POM121C: variants seen among roughly 807,000 people sequenced by gnomAD.
The protein encoded by POM121C is POM121 transmembrane nucleoporin C, also known as nuclear envelope pore membrane protein POM 121C.
POM121C carries 20 observed loss-of-function variants against 66.4 expected under a neutral mutation model. That is an observed-to-expected ratio of 0.30 (90% CI 0.21 to 0.44). The LOEUF (loss-of-function observed/expected upper bound fraction) is 0.44. POM121C is among the 20% of genes least tolerant of loss of function. POM121C has a pLI of 1.00. For synonymous variants in POM121C, 286 were observed against 528.0 expected, an observed-to-expected ratio of 0.54 and a Z score of 6.28; for missense variants, 580 against 1,225.7, an observed-to-expected ratio of 0.47 and a Z score of 7.87.
At chr7:75,442,690 T>C (rs376646711) in intron 3 of POM121C, 124,057 of 1,399,486 alleles carry the variant, frequency 0.089, 4,128 homozygotes, top group Non-Finnish European at 0.098. Context: ...GCCGCTCGCC[T>C]GCTCCAGCCG....
At chr7:75,440,923 A>T (rs1790619664) in intron 5 of POM121C, 31 bp downstream of exon 5, 5 of 1,613,780 alleles carry the variant, frequency 3.1e-6, no homozygotes, top group Non-Finnish European at 4.2e-6. Flanking sequence ...CCAAGCGGGA[A>T]ACTGGCTTAG....
In POM121C at chr7:75,433,234, CAAAAAAAA is replaced by C. The variant is rs782004307; in HGVS notation, c.480+4273_480+4280del. Among the ~76,000 whole-genome samples the C allele has an allele frequency of 6.6e-4, 29 of 44,256 alleles. 1 individual carries two copies. Among genetic ancestry groups the C allele is most frequent in the South Asian group, 3.9e-3 (3 of 766 alleles). The allele number at this position is 44,256 out of a possible 152,430, so 29.0% of individuals were successfully genotyped here. A position where few individuals can be genotyped will look rare whatever the true frequency, so the allele number is the denominator to read the frequency against. ...CCAGCGACAGTGTGAGACTCTGTCTCAAAAAAAAAAAAAAAAAAAAAAAAAAGAATGTA... is the reference window on the plus strand; with the variant it reads ...CCAGCGACAGTGTGAGACTCTGTCTCAAAAAAAAAAAAAAAAAAGAATGTA... On this transcript the variant is annotated intron_variant, in intron 7 of 14. Coordinates refer to ENST00000615331, the MANE Select transcript of POM121C (RefSeq NM_001099415.3).
Position 75,416,802 on chromosome 7 carries a change from T to A in POM121C, c.*1994A>T. The A allele has an allele frequency of 4.7e-6, 7 of 1,505,234 alleles. No homozygotes were observed. The highest frequency in any genetic ancestry group is 6.2e-6 in the Non-Finnish European group (7 of 1,126,610). The allele number at this position is 1,505,234 out of a possible 1,614,324, so 93.2% of individuals were successfully genotyped here. A position where few individuals can be genotyped will look rare whatever the true frequency, so the allele number is the denominator to read the frequency against. ...AACGTACTCTACGATAGATCACAGT[T>A]TTTTATTCTTAATGTCACAAGCAGG... On this transcript the variant is annotated 3_prime_UTR_variant, in exon 15 of 15. Transcript: ENST00000615331.
intron 7 of POM121C, among the ~76,000 whole-genome samples, chr7:75,431,088 A>C (rs1335171878): frequency 1.0e-4 from 15 of 150,692 alleles, no homozygotes; most frequent in African/African-American, 3.1e-4. Flanking sequence ...AAAAAAAAAA[A>C]AAAAAAAAAA....
chr7:75,468,125 C>CT (rs1554478117), intron 3 of POM121C, among the ~76,000 whole-genome samples: 1 of 30,048 alleles, frequency 3.3e-5, no homozygotes, highest in Non-Finnish European at 5.4e-5. Context: ...GAGACTCTGT[C>CT]TAAAAAAAAA....
At chr7:75,437,413 C>A in intron 7 of POM121C, 102 bp downstream of exon 7, 1 of 1,460,760 alleles carries the variant, frequency 6.8e-7, no homozygotes, top group Non-Finnish European at 9.1e-7. Context: ...TTTGGCCTTC[C>A]AAAGTGCTGG....
At chr7:75,446,858 A>T (rs1554474732) in intron 3 of POM121C, among the ~76,000 whole-genome samples, 1 of 149,364 alleles carries the variant, frequency 6.7e-6, no homozygotes, top group Non-Finnish European at 1.5e-5. Flanking sequence ...AATACAAAAA[A>T]TTAGCCAGGC....
At chr7:75,451,311 C>T (rs1791014048) in intron 3 of POM121C, among the ~76,000 whole-genome samples, 1 of 146,834 alleles carries the variant, frequency 6.8e-6, no homozygotes, top group Admixed American at 6.9e-5. Flanking sequence ...CAGCATGGTA[C>T]TGGTACCAAA....
chr7:75,443,119 TC>T (rs1184407071), intron 3 of POM121C, among the ~76,000 whole-genome samples: 3 of 152,050 alleles, frequency 2.0e-5, no homozygotes, highest in African/African-American at 4.8e-5. Context: ...GGCTGAGTTT[TC>T]CCCCCCACTT....
Position 75,437,099 on chromosome 7 carries a change from C to T in POM121C, c.480+416G>A, listed in dbSNP as rs587630870. Among the ~76,000 whole-genome samples, 4 of 152,316 alleles carry T rather than the reference C, an allele frequency of 2.6e-5. No homozygotes were observed. The South Asian group carries it at 6.2e-4, about 24-fold the overall frequency. ...TACAAGCTGGACTCAGTCTACCTTT[C>T]GAATCACCCTCTGTCCGTTTATCTA... On this transcript the variant is annotated intron_variant, in intron 7 of 14. Transcript: ENST00000615331.
chr7:75,438,115 TA>T (rs1211910083), intron 6 of POM121C, among the ~76,000 whole-genome samples: 4 of 151,478 alleles, frequency 2.6e-5, no homozygotes, highest in African/African-American at 4.9e-5. Context: ...ACAAAGCTGT[TA>T]AAAAAAAATC....
chr7:75,422,164 T>G lies in POM121C; in HGVS notation c.2088A>C (p.Pro696=). The change falls in exon 13 of 15, where the codon CCA becomes CCC. Residue 696 remains proline, a synonymous_variant. Transcript: ENST00000615331. The part of the protein sequence containing the change: ...PFGSSAKSPL[P]SYPGANPQPA... ...GCTGGGGGTTGGCTCCCGGATATGATGGGAGCGGGGACTTGGCGCTTGAGC... is the reference window on the plus strand; with the variant it reads ...GCTGGGGGTTGGCTCCCGGATATGAGGGGAGCGGGGACTTGGCGCTTGAGC... 1.9e-6 allele frequency: 3 copies of G among 1,604,438 alleles called. No individual in the cohort carries two copies.
intron 13 of POM121C, chr7:75,419,788 C>T (rs1283601550): frequency 1.1e-5 from 3 of 270,020 alleles, no homozygotes; most frequent in African/African-American, 6.9e-5. Context: ...CTGTTCAGGC[C>T]TTTTCCCCCT....
intron 7 of POM121C, among the ~76,000 whole-genome samples, chr7:75,431,074 C>CCAAA (rs1554472281): frequency 1.7e-5 from 1 of 59,716 alleles, no homozygotes; most frequent in African/African-American, 6.6e-5. Flanking sequence ...GACTCTGTCT[C>CCAAA]AAAAAAAAAA....
intron 10 of POM121C, 60 bp from the exon 11 acceptor site, chr7:75,424,688 G>A (rs1789864302): frequency 6.3e-7 from 1 of 1,595,960 alleles, no homozygotes; most frequent in Non-Finnish European, 8.6e-7. Flanking sequence ...GCTGGGCGTG[G>A]TGGCTAACGC....
intron 11 of POM121C, 53 bp from the exon 12 acceptor site, chr7:75,424,278 A>G: frequency 3.1e-6 from 5 of 1,596,310 alleles, no homozygotes; most frequent in Non-Finnish European, 4.3e-6. Context: ...ACTTCTTTCC[A>G]CATGCCTGTC....
intron 13 of POM121C, chr7:75,419,687 C>T (rs1275999888): frequency 1.4e-5 from 7 of 512,606 alleles, no homozygotes; most frequent in Admixed American, 3.8e-5. Flanking sequence ...CCCCCTGCCC[C>T]GCAGCCACCT....
Position 75,426,797 on chromosome 7 carries a change from C to CAA in POM121C, c.481-346_481-345dup, listed in dbSNP as rs543569250. Among the ~76,000 whole-genome samples the CAA allele has an allele frequency of 4.5e-3, 276 of 60,922 alleles. 7 individuals are homozygous for CAA. The highest frequency in any genetic ancestry group is 6.6e-3 in the East Asian group (8 of 1,218). The allele number at this position is 60,922 out of a possible 152,430, so 40.0% of individuals were successfully genotyped here. On this transcript the variant is annotated intron_variant, in intron 7 of 14. Transcript: ENST00000615331. The stretch of plus-strand genomic sequence containing the variant: ...TGGGTGACAGAGTGAGACCCTGTCT[C>CAA]AAAAAAAAAAAAAAAAAAAAAAAAA...
Position 75,421,665 on chromosome 7 carries a change from C to T in POM121C, c.2587G>A (p.Gly863Arg), listed in dbSNP as rs782716527. Reference protein sequence around the residue: ...VATPGSSATTGAFSFGAGQSG... With the variant: ...VATPGSSATTRAFSFGAGQSG... ...TGTCCTGCTCCAAAGCTGAAAGCTC[C>T]GGTGGTGGCGCTGGAGCCTGGGGTG... is the stretch of plus-strand genomic sequence containing the variant. Residue 863 changes from glycine (G) to arginine (R), a missense_variant, in exon 13 of 15, where the codon GGA becomes AGA. Physicochemically the swap from Gly to Arg is moderately radical, Grantham distance 125. Transcript: ENST00000615331. The T allele has an allele frequency of 6.3e-5, 101 of 1,612,076 alleles. No homozygotes were observed. Among genetic ancestry groups the T allele is most frequent in the South Asian group, 3.8e-4 (35 of 90,912 alleles).
Sources: allele counts gnomAD v4.1 joint callset (sites outside exome capture counted in the v4.1 genomes callset), GRCh38; gene constraint gnomAD v4.1.1; transcripts MANE v1.5; gene names NCBI Gene and HGNC (gene_info 2026-07-23, HGNC 2026-07-21).